The following WDR27 variants were observed in gnomAD, a reference collection of about 807,000 sequenced individuals.
WDR27 encodes the protein WD repeat domain 27.
Under a neutral mutation model 114.4 loss-of-function variants are expected in WDR27, and 100 were observed. The ratio of observed to expected loss-of-function variants is 0.87; its 90% CI spans 0.74 to 1.03. WDR27 has a LOEUF of 1.03. WDR27 is among the 50% of genes least tolerant of loss of function. The pLI is 0.00. For missense variants in WDR27, 1,129 were observed against 1,092.9 expected (o/e 1.03, Z -0.47); for synonymous variants, 449 against 423.1 (o/e 1.06, Z -0.75).
At chr6:169,471,538 G>A (rs1005560409) in intron 25 of WDR27, among the ~76,000 whole-genome samples, 3 of 152,192 alleles carry the variant, frequency 2.0e-5, no homozygotes, top group African/African-American at 4.8e-5. Context: ...AAGGAGGCAA[G>A]TTTTAAAATG....
chr6:169,652,526 C>G (rs1460346824), intron 13 of WDR27, among the ~76,000 whole-genome samples: 1 of 152,218 alleles, frequency 6.6e-6, no homozygotes, highest in Non-Finnish European at 1.5e-5. Context: ...GGATTACAGG[C>G]GTGAGCCACT....
rs781609005 is a variant in WDR27, at chr6:169,671,893, A to G, written c.331+362T>C. ...CTGTGTCTCCAGCCTGAAATATTAC[A>G]GGTGCTCAAGACCCCTTGCTGTGCA... On this transcript the variant is annotated intron_variant, in intron 3 of 25. Transcript: ENST00000448612. The G allele has an allele frequency of 4.5e-4, 73 of 160,526 alleles. 1 individual carries two copies. Among genetic ancestry groups the G allele is most frequent in the Admixed American group, 3.3e-3 (53 of 15,840 alleles). The allele number at this position is 160,526 out of a possible 1,614,324, so 9.9% of individuals were successfully genotyped here.
chr6:169,589,925 A>G (rs893712667), intron 23 of WDR27, among the ~76,000 whole-genome samples: 1 of 152,268 alleles, frequency 6.6e-6, no homozygotes, highest in Non-Finnish European at 1.5e-5. Flanking sequence ...TTGGAAATAA[A>G]ACCTATGCGG....
At chr6:169,441,454 G>A in the WDR27 span, among the ~76,000 whole-genome samples, 6 of 152,284 alleles carry the variant, frequency 3.9e-5, no homozygotes, top group South Asian at 2.1e-4. Context: ...GGGAAGCACC[G>A]AGGCACAGGT....
At chr6:169,512,235 A>T (rs1792998859) in intron 25 of WDR27, among the ~76,000 whole-genome samples, 1 of 152,144 alleles carries the variant, frequency 6.6e-6, no homozygotes, top group African/African-American at 2.4e-5. Flanking sequence ...TTATACCTAG[A>T]TGTCTTGGAA....
At chr6:169,466,800 A>T (rs906854294) in intron 25 of WDR27, among the ~76,000 whole-genome samples, 1 of 152,182 alleles carries the variant, frequency 6.6e-6, no homozygotes, top group South Asian at 2.1e-4. Context: ...ATGTCTTCAC[A>T]TTTCAAAACA....
intron 25 of WDR27, among the ~76,000 whole-genome samples, chr6:169,486,751 A>G (rs1011485609): frequency 3.3e-5 from 5 of 152,058 alleles, no homozygotes; most frequent in African/African-American, 1.2e-4. Flanking sequence ...CAGCCCCCCA[A>G]AGTGCTGGGA....
chr6:169,563,876 G>A (rs1022674281), intron 25 of WDR27, among the ~76,000 whole-genome samples: 3 of 152,152 alleles, frequency 2.0e-5, no homozygotes, highest in African/African-American at 7.2e-5. Context: ...CATCACATCC[G>A]TGACATGATC....
intron 25 of WDR27, among the ~76,000 whole-genome samples, chr6:169,567,075 G>A (rs1584266070): frequency 6.6e-6 from 1 of 152,324 alleles, no homozygotes; most frequent in East Asian, 1.9e-4. Context: ...GAGTCTGATA[G>A]GCAGCAGCCC....
intron 25 of WDR27, among the ~76,000 whole-genome samples, chr6:169,516,538 T>C (rs1330271542): frequency 6.6e-6 from 1 of 152,138 alleles, no homozygotes; most frequent in African/African-American, 2.4e-5. Flanking sequence ...TACAGATGAA[T>C]GTTTTAGTTG....
Position 169,688,923 on chromosome 6 carries a change from T to A in WDR27, c.83A>T (p.Lys28Met). 7.4e-6 allele frequency: 12 copies of A among 1,613,990 alleles called. No homozygotes were observed. The highest frequency in any genetic ancestry group is 1.0e-5 in the Non-Finnish European group (12 of 1,179,874). ...AAGCTGAACATGAGACACAGACTCC[T>A]TGGATTCAACCAGGTATTTTTCTAT... ...IVIEKYLVES[K>M]ESVSHVQLAC... is the part of the protein sequence containing the mutation. Residue 28 changes from lysine to methionine, a missense_variant, in exon 2 of 26, where the codon AAG becomes ATG. Transcript: ENST00000448612.
chr6:169,472,120 G>A (rs941548332), intron 25 of WDR27, among the ~76,000 whole-genome samples: 1 of 152,126 alleles, frequency 6.6e-6, no homozygotes, highest in African/African-American at 2.4e-5. Context: ...TAGCTTCCTA[G>A]GCTGATCATT....
intron 25 of WDR27, chr6:169,559,408 A>T (rs1799357693): frequency 6.6e-6 from 1 of 152,180 alleles, no homozygotes; most frequent in African/African-American, 2.4e-5. Context: ...CATTGATGAG[A>T]CAGTCAGGAA....
At chr6:169,655,364 G>C (rs138947024) in intron 13 of WDR27, among the ~76,000 whole-genome samples, 585 of 152,328 alleles carry the variant, frequency 3.8e-3, no homozygotes, top group African/African-American at 0.014. Context: ...CAGCCCTCCC[G>C]GCTCCAGGGT....
chr6:169,519,151 C>T (rs1275950995), intron 25 of WDR27, among the ~76,000 whole-genome samples: 2 of 152,230 alleles, frequency 1.3e-5, no homozygotes, highest in Non-Finnish European at 2.9e-5. Flanking sequence ...TTTAACCAGT[C>T]TCTAAGAAGT....
chr6:169,500,194 T>C (rs1389524998), intron 25 of WDR27, among the ~76,000 whole-genome samples: 4 of 151,976 alleles, frequency 2.6e-5, no homozygotes, highest in African/African-American at 9.7e-5. Flanking sequence ...AAATATTGAG[T>C]TTTTATTTCC....
chr6:169,665,363 G>A (rs1827541980), intron 7 of WDR27, 123 bp downstream of exon 7: 2 of 1,451,348 alleles, frequency 1.4e-6, no homozygotes. Context: ...TCTCAGCACT[G>A]AGGTGGACAG....
Position 169,689,018 on chromosome 6 carries a change from A to G in WDR27, c.-7-6T>C. ...GGGGATTTTCCATCTTCAATCTGAA[A>G]ACAAAAAGTACATATAAGATGACTA... On this transcript the variant is annotated splice_region_variant and splice_polypyrimidine_tract_variant and intron_variant, in intron 1 of 25. Coordinates refer to ENST00000448612, the MANE Select transcript of WDR27 (RefSeq NM_182552.5). 4 of 1,602,548 alleles carry G rather than the reference A, an allele frequency of 2.5e-6. No homozygotes were observed. The highest frequency in any genetic ancestry group is 2.6e-6 in the Non-Finnish European group (3 of 1,173,734).
chr6:169,610,808 C>T (rs1188049104), intron 22 of WDR27, among the ~76,000 whole-genome samples: 2 of 152,166 alleles, frequency 1.3e-5, no homozygotes, highest in African/African-American at 4.8e-5. Context: ...AAACCTAATA[C>T]CTTATATTCT....
Sources: allele counts gnomAD v4.1 joint callset (sites outside exome capture counted in the v4.1 genomes callset), GRCh38; gene constraint gnomAD v4.1.1; transcripts MANE v1.5; gene names NCBI Gene and HGNC (gene_info 2026-07-23, HGNC 2026-07-21).